Variants in MEGF6 observed in about 807,000 individuals in gnomAD.
MEGF6 encodes multiple epidermal growth factor-like domains protein 6.
A neutral mutation model predicts 207.1 loss-of-function variants in MEGF6; 184 were observed. That is an observed-to-expected ratio of 0.89 (90% CI 0.79 to 1.00). MEGF6 has a LOEUF of 1.00. Among genes scored for constraint, MEGF6 ranks in the 50% least tolerant of loss-of-function variants. The pLI is 0.00. For missense variants in MEGF6, 2,282 were observed against 2,202.9 expected (o/e 1.04, Z -0.72); for synonymous variants, 1,038 against 910.0 (o/e 1.14, Z -2.53).
rs763643967 is a variant in MEGF6, at chr1:3,489,286, G to A, written c.*1242C>T. 5.9e-5 allele frequency among the ~76,000 whole-genome samples: 9 copies of A among 152,228 alleles called. No individual in the cohort carries two copies. The highest frequency in any genetic ancestry group is 1.3e-4 in the Non-Finnish European group (9 of 68,046). On this transcript the variant is annotated 3_prime_UTR_variant, in exon 37 of 37. Transcript: ENST00000356575. ...CCTCCTCCTGCTGGTGAAATTGTCT[G>A]CCCTGGGGCCTCAGCTACCTTGGCT...
In MEGF6 at chr1:3,556,185, C is replaced by T. The variant is rs1001044580; in HGVS notation, c.481+23640G>A. 2.6e-5 allele frequency among the ~76,000 whole-genome samples: 4 copies of T among 152,236 alleles called. No individual in the cohort carries two copies. Among genetic ancestry groups the T allele is most frequent in the Non-Finnish European group, 5.9e-5 (4 of 68,040 alleles). On this transcript the variant is annotated intron_variant, in intron 4 of 36. Transcript: ENST00000356575. This position sits in a 1 kb window ranked among gnomAD's most constrained non-coding sequence, Gnocchi z 4.4. Reference sequence around the variant, plus strand: ...CCTGTTGCTGGGCCACCCTGTGAGTCCATGCTCTGCTCCCCAAGCCCCGTC... The same window carrying T: ...CCTGTTGCTGGGCCACCCTGTGAGTTCATGCTCTGCTCCCCAAGCCCCGTC...
Position 3,594,740 on chromosome 1 carries a change from A to G in MEGF6, c.376+598T>C, listed in dbSNP as rs192004885. On this transcript the variant is annotated intron_variant, in intron 3 of 36. Coordinates refer to ENST00000356575, the MANE Select transcript of MEGF6 (RefSeq NM_001409.4). The surrounding 1 kb of genome is among the most constrained non-coding windows in gnomAD (Gnocchi z 4.2). ...GGCTTGAGAGCCGCCCGCTCAGCTC[A>G]GACCACCCAATTCCAGTCCTGGGCC... is the stretch of plus-strand genomic sequence containing the variant. Among the ~76,000 whole-genome samples the G allele has an allele frequency of 5.7e-4, 87 of 152,334 alleles. No homozygotes were observed. Among genetic ancestry groups the G allele is most frequent in the African/African-American group, 2.0e-3 (83 of 41,566 alleles).
chr1:3,562,384 CTG>C (rs2101648902), intron 4 of MEGF6, among the ~76,000 whole-genome samples: 1 of 152,286 alleles, frequency 6.6e-6, no homozygotes, highest in East Asian at 1.9e-4. Context: ...GTCTCCCTCT[CTG>C]TCTTTGTCTT....
Position 3,501,201 on chromosome 1 carries a change from A to G in MEGF6, c.2422T>C (p.Phe808Leu). The change falls in exon 19 of 37, where the codon TTC becomes CTC. Residue 808 changes from phenylalanine to leucine, a missense_variant. Phe to Leu is a conservative substitution (Grantham distance 22). Transcript: ENST00000356575. ...ETGACLCLPG[F>L]VGSRCQDVCP... The stretch of plus-strand genomic sequence containing the variant: ...CCGTCCTGGCAGCGGCTGCCGACGA[A>G]GCCAGGGAGGCACAGGCAGGCTCCG... 2 of 1,612,326 alleles carry G rather than the reference A, an allele frequency of 1.2e-6. No individual in the cohort carries two copies. The highest frequency in any genetic ancestry group is 1.7e-6 in the Non-Finnish European group (2 of 1,179,790).
chr1:3,493,619 C>T (rs1557710938), intron 34 of MEGF6, 152 bp downstream of exon 34: 9 of 1,087,714 alleles, frequency 8.3e-6, no homozygotes, highest in Non-Finnish European at 1.2e-5. Flanking sequence ...CAGCTGACTC[C>T]AGCCCCCCCA....
chr1:3,523,292 A>G (rs1641832946), intron 5 of MEGF6, among the ~76,000 whole-genome samples: 1 of 152,188 alleles, frequency 6.6e-6, no homozygotes, highest in Non-Finnish European at 1.5e-5. Flanking sequence ...CTGTGCCCAG[A>G]GCCAGCCAGG....
chr1:3,567,463 G>C (rs986927571), intron 4 of MEGF6, among the ~76,000 whole-genome samples: 2 of 152,236 alleles, frequency 1.3e-5, no homozygotes, highest in South Asian at 2.1e-4. Flanking sequence ...CAGACCCTGC[G>C]TGTTTATTGA....
chr1:3,582,293 G>T (rs1643817524), intron 3 of MEGF6, among the ~76,000 whole-genome samples: 1 of 152,210 alleles, frequency 6.6e-6, no homozygotes, highest in Non-Finnish European at 1.5e-5. Flanking sequence ...TCACTGGGAT[G>T]CGCACACAGC....
chr1:3,535,288 GACA>G (rs1024734966), intron 4 of MEGF6, among the ~76,000 whole-genome samples: 1 of 152,166 alleles, frequency 6.6e-6, no homozygotes, highest in African/African-American at 2.4e-5. Flanking sequence ...GAAGCTTCCT[GACA>G]ACAAGTTCAG....
At chr1:3,618,046 C>A in the MEGF6 span, among the ~76,000 whole-genome samples, 1 of 152,142 alleles carries the variant, frequency 6.6e-6, no homozygotes, top group Non-Finnish European at 1.5e-5. This position sits in a 1 kb window ranked among gnomAD's most constrained non-coding sequence, Gnocchi z 4.7. Flanking sequence ...GGCAGCGACA[C>A]CCTGCAGGCC....
rs1644047796 is a variant in MEGF6, at chr1:3,595,434, T to C, written c.280A>G (p.Met94Val). ...GTGGTATACACCTGCCTGTAGCCCA[T>C]GTAGTAGACGGTTCTAGAAAGAAAG... Reference protein sequence around the residue: ...VGHERRTVYYMGYRQVYTTEA... With the variant: ...VGHERRTVYYVGYRQVYTTEA... The change falls in exon 3 of 37, where the codon ATG becomes GTG. Residue 94 changes from methionine (M) to valine (V), a missense_variant. Coordinates refer to ENST00000356575, the MANE Select transcript of MEGF6 (RefSeq NM_001409.4). 6.2e-7 allele frequency: 1 copy of C among 1,611,500 alleles called. No homozygotes were observed. The highest frequency in any genetic ancestry group is 8.5e-7 in the Non-Finnish European group (1 of 1,179,154).
Position 3,499,727 on chromosome 1 carries a change from C to T in MEGF6, c.2837-11G>A, listed in dbSNP as rs377052878. Reference sequence around the variant, plus strand: ...AGCCGGCCGGGCAGGCTGCAGACAGCGGGCAGTGATGTGGAGGGGCCCACA... The same window carrying T: ...AGCCGGCCGGGCAGGCTGCAGACAGTGGGCAGTGATGTGGAGGGGCCCACA... On this transcript the variant is annotated splice_polypyrimidine_tract_variant and intron_variant, in intron 22 of 36. Coordinates refer to ENST00000356575, the MANE Select transcript of MEGF6 (RefSeq NM_001409.4). 1.1e-5 allele frequency: 17 copies of T among 1,602,094 alleles called. No homozygotes were observed. The African/African-American group carries it at 1.1e-4, about 10-fold the overall frequency.
intron 3 of MEGF6, among the ~76,000 whole-genome samples, chr1:3,590,480 G>A (rs376753182): frequency 1.3e-5 from 2 of 152,182 alleles, no homozygotes; most frequent in African/African-American, 2.4e-5. Flanking sequence ...TGGAAGCCCC[G>A]GTCATGAGGC....
intron 4 of MEGF6, among the ~76,000 whole-genome samples, chr1:3,538,700 G>C (rs1246299033): frequency 2.9e-4 from 13 of 45,300 alleles, no homozygotes; most frequent in Non-Finnish European, 5.6e-4. Flanking sequence ...ATGTGCCTGT[G>C]TGTGTGTGTG....
intron 4 of MEGF6, among the ~76,000 whole-genome samples, chr1:3,535,665 C>A (rs561404058): frequency 8.7e-5 from 13 of 149,062 alleles, no homozygotes; most frequent in African/African-American, 3.2e-4. Flanking sequence ...AGTGTGGGGG[C>A]CCCCCAGCGG....
chr1:3,496,956 C>A (rs1400210692), intron 28 of MEGF6, 32 bp downstream of exon 28: 6 of 1,544,956 alleles, frequency 3.9e-6, no homozygotes, highest in South Asian at 1.2e-5. Context: ...GCAGCACTGC[C>A]GAGTCCCTGG....
intron 10 of MEGF6, 41 bp from the exon 11 acceptor site, chr1:3,510,033 T>A: frequency 6.4e-7 from 1 of 1,560,350 alleles, no homozygotes; most frequent in Non-Finnish European, 8.6e-7. Flanking sequence ...TGCTCCCAGG[T>A]GGGGAACCAG....
At chr1:3,619,557 C>T in the MEGF6 span, among the ~76,000 whole-genome samples, 6 of 149,072 alleles carry the variant, frequency 4.0e-5, no homozygotes, top group Non-Finnish European at 8.9e-5. Context: ...TTGCTGTTCT[C>T]GTGATAGTCA....
intron 4 of MEGF6, among the ~76,000 whole-genome samples, chr1:3,577,257 C>A (rs1346632643): frequency 2.0e-5 from 3 of 152,228 alleles, no homozygotes; most frequent in Non-Finnish European, 4.4e-5. Flanking sequence ...AGGAGGCCCG[C>A]TACCCAAGGG....
Sources: gnomAD v4.1 joint callset for allele counts (sites outside exome capture counted in the v4.1 genomes callset) on GRCh38, gnomAD v4.1.1 for gene constraint, Gnocchi (gnomAD v3.1) non-coding constraint, MANE v1.5 for transcripts, NCBI Gene and HGNC (gene_info 2026-07-23, HGNC 2026-07-21) for gene names.